ASTN1: variants seen among roughly 807,000 people sequenced by gnomAD.
The protein encoded by ASTN1 is astrotactin-1.
Under a neutral mutation model 140.7 loss-of-function variants are expected in ASTN1, and 41 were observed. The ratio of observed to expected loss-of-function variants is 0.29; its 90% confidence interval spans 0.23 to 0.38. The LOEUF (loss-of-function observed/expected upper bound fraction) is 0.38, where lower values mean the gene tolerates loss of function less well. Among genes scored for constraint, ASTN1 ranks in the 10% least tolerant of loss-of-function variants. ASTN1 has a pLI of 1.00. For synonymous variants in ASTN1, 640 were observed against 652.2 expected, an observed-to-expected ratio of 0.98 and a Z score of 0.29; for missense variants, 1,479 against 1,678.8, an observed-to-expected ratio of 0.88 and a Z score of 2.08.
intron 1 of ASTN1, among the ~76,000 whole-genome samples, chr1:177,078,808 T>G (rs78711190): frequency 0.049 from 7,434 of 152,278 alleles, 252 homozygotes; most frequent in South Asian, 0.13. Context: ...GAAAAGATTT[T>G]CTTTTGCCCA....
At chr1:177,104,854 T>C (rs1421357996) in intron 1 of ASTN1, among the ~76,000 whole-genome samples, 1 of 152,220 alleles carries the variant, frequency 6.6e-6, no homozygotes, top group Admixed American at 6.5e-5. Context: ...GATACCCAGG[T>C]CTTCCCACAC....
intron 2 of ASTN1, among the ~76,000 whole-genome samples, chr1:177,035,679 C>A (rs185110646): frequency 6.6e-6 from 1 of 152,104 alleles, no homozygotes; most frequent in Non-Finnish European, 1.5e-5. Context: ...ACTTAGGGAC[C>A]CATTGCATAT....
intron 1 of ASTN1, among the ~76,000 whole-genome samples, chr1:177,158,075 G>T (rs1346642123): frequency 2.0e-5 from 3 of 152,078 alleles, no homozygotes; most frequent in African/African-American, 7.2e-5. Context: ...AAATTCCTGT[G>T]TAATGAAAAG....
downstream of ASTN1, among the ~76,000 whole-genome samples, chr1:176,859,793 G>A (rs1003529342): frequency 6.6e-6 from 1 of 152,156 alleles, no homozygotes; most frequent in African/African-American, 2.4e-5. Flanking sequence ...TCACAAACAA[G>A]CAAACAAACA....
intron 8 of ASTN1, among the ~76,000 whole-genome samples, chr1:176,966,320 T>C (rs1373779913): frequency 1.3e-5 from 2 of 152,232 alleles, no homozygotes; most frequent in African/African-American, 2.4e-5. Context: ...GATAAATGTA[T>C]GGCAGTTGTT....
intron 1 of ASTN1, among the ~76,000 whole-genome samples, chr1:177,158,190 A>G (rs1294634883): frequency 1.3e-5 from 2 of 152,232 alleles, no homozygotes; most frequent in African/African-American, 4.8e-5. Context: ...ATTACCGTCA[A>G]CAATTTGATT....
intron 1 of ASTN1, among the ~76,000 whole-genome samples, chr1:177,157,688 G>A (rs1683300201): frequency 6.6e-6 from 1 of 151,970 alleles, no homozygotes; most frequent in Admixed American, 6.6e-5. Context: ...ACTGCTAGAA[G>A]CTTTGAGGCC....
intron 8 of ASTN1, among the ~76,000 whole-genome samples, chr1:176,999,510 T>C (rs764296757): frequency 1.3e-5 from 2 of 152,242 alleles, no homozygotes; most frequent in Non-Finnish European, 2.9e-5. Flanking sequence ...TCATGTGGAA[T>C]TGAACAAGCA....
At chr1:177,026,196 C>T (rs553254090) in intron 5 of ASTN1, among the ~76,000 whole-genome samples, 1 of 152,306 alleles carries the variant, frequency 6.6e-6, no homozygotes, top group Admixed American at 6.5e-5. Flanking sequence ...TCTCTGGGTC[C>T]TCTGTCCTTG....
At chr1:177,134,532 C>T (rs1682090939) in intron 1 of ASTN1, among the ~76,000 whole-genome samples, 1 of 152,158 alleles carries the variant, frequency 6.6e-6, no homozygotes. Context: ...CATCGCTATG[C>T]TTCAGTCTTA....
chr1:176,909,575 C>G (rs1466293215), intron 16 of ASTN1, among the ~76,000 whole-genome samples: 1 of 152,162 alleles, frequency 6.6e-6, no homozygotes, highest in Non-Finnish European at 1.5e-5. Context: ...TTTGGTCCCC[C>G]AAGCCAACCT....
Position 176,880,887 on chromosome 1 carries a change from C to T in ASTN1, c.3362+1972G>A, listed in dbSNP as rs147299136. ...CAATTAAAAAATGGAAACAATACCC[C>T]TAATCTCACAGAGTCAGAGGGGATT... On this transcript the variant is annotated intron_variant, in intron 20 of 22. Transcript: ENST00000361833. Among the ~76,000 whole-genome samples, 84 of 152,318 alleles carry T rather than the reference C, an allele frequency of 5.5e-4. 1 individual carries two copies. The East Asian group carries it at 0.015, about 27-fold the overall frequency.
intron 1 of ASTN1, among the ~76,000 whole-genome samples, chr1:177,118,290 T>C (rs1189276763): frequency 1.3e-5 from 2 of 152,128 alleles, no homozygotes; most frequent in Non-Finnish European, 2.9e-5. Flanking sequence ...AAGTGTACAA[T>C]CACTTGAGAC....
chr1:176,952,827 C>G (rs1380153449), intron 11 of ASTN1, among the ~76,000 whole-genome samples: 2 of 152,126 alleles, frequency 1.3e-5, no homozygotes, highest in Admixed American at 6.5e-5. Flanking sequence ...CCACTTATTC[C>G]TTGAAAGAGA....
At chr1:177,028,174 T>C (rs1676223994) in intron 5 of ASTN1, among the ~76,000 whole-genome samples, 1 of 152,170 alleles carries the variant, frequency 6.6e-6, no homozygotes, top group Admixed American at 6.5e-5. Context: ...TTTCATGCTG[T>C]CGAGAAACTA....
chr1:176,891,500 G>T (rs1669264661), intron 17 of ASTN1, among the ~76,000 whole-genome samples: 1 of 152,154 alleles, frequency 6.6e-6, no homozygotes, highest in Non-Finnish European at 1.5e-5. Flanking sequence ...TGCTATAAAA[G>T]ATGTAGATAC....
chr1:177,091,599 G>T (rs1027605641), intron 1 of ASTN1, among the ~76,000 whole-genome samples: 26 of 152,242 alleles, frequency 1.7e-4, no homozygotes, highest in Admixed American at 4.6e-4. Context: ...GCACAATTCA[G>T]TGATTTTTAA....
At chr1:177,045,533 A>T (rs1468168574) in intron 2 of ASTN1, among the ~76,000 whole-genome samples, 1 of 152,154 alleles carries the variant, frequency 6.6e-6, no homozygotes, top group Non-Finnish European at 1.5e-5. Flanking sequence ...GAGTCCTCCC[A>T]GGAGAAAGTG....
At chr1:176,926,583 G>T (rs1557965393) in intron 16 of ASTN1, among the ~76,000 whole-genome samples, 2 of 152,214 alleles carry the variant, frequency 1.3e-5, no homozygotes, top group African/African-American at 4.8e-5. Flanking sequence ...ACAGGGCTTT[G>T]CATGTAACAG....
Sources: allele counts gnomAD v4.1 joint callset (sites outside exome capture counted in the v4.1 genomes callset), GRCh38; gene constraint gnomAD v4.1.1; transcripts MANE v1.5; gene names NCBI Gene and HGNC (gene_info 2026-07-23, HGNC 2026-07-21).